The following SPATA13 variants were observed in gnomAD, a reference collection of about 807,000 sequenced individuals.
SPATA13 encodes spermatogenesis-associated protein 13.
SPATA13 carries 50 observed loss-of-function variants against 104.0 expected under a neutral mutation model. The observed-to-expected ratio is 0.48, with a 90% CI of 0.38 to 0.61. The LOEUF is 0.61. Ranked by LOEUF, SPATA13 falls within the 20% of genes least tolerant of loss-of-function variation. The pLI is 0.00. For synonymous variants in SPATA13, 606 were observed against 667.5 expected (o/e 0.91, Z 1.42); for missense variants, 1,524 against 1,690.6 (o/e 0.90, Z 1.73).
chr13:24,003,035 A>G (rs1876053332), intron 2 of SPATA13, among the ~76,000 whole-genome samples: 1 of 152,172 alleles, frequency 6.6e-6, no homozygotes, highest in Admixed American at 6.5e-5. Flanking sequence ...CCAGGAGTGT[A>G]TGGGCAGACA....
chr13:24,241,048 C>G (rs1360540805), intron 2 of SPATA13, among the ~76,000 whole-genome samples: 2 of 152,170 alleles, frequency 1.3e-5, no homozygotes, highest in African/African-American at 2.4e-5. Flanking sequence ...GCATGTCACC[C>G]CATTCCGTAG....
At chr13:24,008,964 C>T (rs2098594023) in intron 2 of SPATA13, among the ~76,000 whole-genome samples, 1 of 152,212 alleles carries the variant, frequency 6.6e-6, no homozygotes, top group African/African-American at 2.4e-5. Flanking sequence ...CAAACAGAAT[C>T]AGGAACAAGG....
chr13:24,268,139 T>C (rs976221497), intron 4 of SPATA13, among the ~76,000 whole-genome samples: 2 of 152,242 alleles, frequency 1.3e-5, no homozygotes, highest in African/African-American at 4.8e-5. Context: ...TTAAATTCTA[T>C]GTTAAAGAAG....
intron 3 of SPATA13, among the ~76,000 whole-genome samples, chr13:24,040,083 T>A (rs1303945224): frequency 6.6e-6 from 1 of 152,180 alleles, no homozygotes; most frequent in African/African-American, 2.4e-5. Flanking sequence ...AAGTAGCAGT[T>A]CCTCTAAAAC....
At position 24,146,011 on chromosome 13, in the gene SPATA13, G is replaced by A. The variant is rs562454235; in HGVS notation, c.-111-76808G>A. ...CAGCTGAATGTGGTGAGGAGTGGCA[G>A]ACACTTGGACTGAACAGGTAGCACA... On this transcript the variant is annotated intron_variant, in intron 3 of 14. Transcript: ENST00000424834. Among the ~76,000 whole-genome samples the A allele has an allele frequency of 2.6e-4, 39 of 152,338 alleles. No homozygotes were observed. The South Asian group carries it at 7.9e-3, about 31-fold the overall frequency.
intron 11 of SPATA13, among the ~76,000 whole-genome samples, chr13:24,300,069 C>T (rs1034113437): frequency 6.6e-6 from 1 of 152,188 alleles, no homozygotes; most frequent in Non-Finnish European, 1.5e-5. Context: ...CTTCTGGGGC[C>T]TCATCCTTTA....
chr13:24,287,024 C>T (rs1876003630), intron 7 of SPATA13, 74 bp downstream of exon 7: 1 of 1,302,636 alleles, frequency 7.7e-7, no homozygotes, highest in South Asian at 1.4e-5. Context: ...TTTCTCCCCA[C>T]CTCCACCCCC....
intron 1 of SPATA13, among the ~76,000 whole-genome samples, chr13:24,196,283 C>T (rs145704356): frequency 4.1e-4 from 63 of 152,192 alleles, no homozygotes; most frequent in Admixed American, 1.1e-3. Context: ...TTGGCATAAA[C>T]CCTTCACACA....
intron 1 of SPATA13, among the ~76,000 whole-genome samples, chr13:24,189,243 C>A (rs7139478): frequency 0.045 from 6,901 of 151,940 alleles, 501 homozygotes; most frequent in African/African-American, 0.16. Flanking sequence ...AGGCCGAGGC[C>A]GGTGGATCAC....
chr13:24,285,008 C>CA (rs1555276161), intron 5 of SPATA13, among the ~76,000 whole-genome samples: 2 of 151,054 alleles, frequency 1.3e-5, no homozygotes, highest in African/African-American at 4.9e-5. Flanking sequence ...GCAGCTTTAG[C>CA]TTTTTTTTTA....
At chr13:24,082,447 T>C (rs1365787069) in intron 3 of SPATA13, among the ~76,000 whole-genome samples, 1 of 152,198 alleles carries the variant, frequency 6.6e-6, no homozygotes, top group Non-Finnish European at 1.5e-5. Context: ...ATTGAGTTGC[T>C]CTTTGGAGAG....
intron 3 of SPATA13, among the ~76,000 whole-genome samples, chr13:24,076,781 A>G (rs892171290): frequency 6.6e-6 from 1 of 151,848 alleles, no homozygotes; most frequent in African/African-American, 2.4e-5. Flanking sequence ...AGTTACCCCC[A>G]GAAAAGCAGG....
chr13:24,224,418 A>G lies in SPATA13; in HGVS notation c.1489A>G (p.Asn497Asp). ...CHSNHSALSA[N>D]SEESEGRAEE... ...CAGCAATCACAGTGCCCTGTCCGCGAATTCAGAGGAAAGTGAAGGAAGGGC... is the reference window on the plus strand; with the variant it reads ...CAGCAATCACAGTGCCCTGTCCGCGGATTCAGAGGAAAGTGAAGGAAGGGC... Residue 497 changes from asparagine to aspartate, a missense_variant, in exon 2 of 13, where the codon AAT becomes GAT. Asn to Asp is a conservative substitution (Grantham distance 23). Coordinates refer to ENST00000382108, the MANE Select transcript of SPATA13 (RefSeq NM_001166271.3). The G allele has an allele frequency of 6.4e-7, 1 of 1,551,750 alleles. No individual in the cohort carries two copies. The highest frequency in any genetic ancestry group is 8.7e-7 in the Non-Finnish European group (1 of 1,147,006).
At chr13:24,266,490 G>A (rs1231129417) in intron 4 of SPATA13, among the ~76,000 whole-genome samples, 1 of 152,048 alleles carries the variant, frequency 6.6e-6, no homozygotes, top group African/African-American at 2.4e-5. Flanking sequence ...TGCCTATGTT[G>A]CTCTGGCTGG....
rs1262418111 is a variant in SPATA13 at position 24,088,419 on chromosome 13, T to C, written c.-112+70718T>C. 2.0e-5 allele frequency among the ~76,000 whole-genome samples: 3 copies of C among 152,138 alleles called. No individual in the cohort carries two copies. The highest frequency in any genetic ancestry group is 4.8e-5 in the African/African-American group (2 of 41,436). ...CAGTGTGGAGCCGCAGTTTCCTTTC[T>C]TCCTCTTGAGATGAAGACACATGAG... On this transcript the variant is annotated intron_variant, in intron 3 of 14. Transcript: ENST00000424834. The surrounding 1 kb of genome is among the most constrained non-coding windows in gnomAD (Gnocchi z 4.3).
intron 1 of SPATA13, among the ~76,000 whole-genome samples, chr13:24,175,067 G>A (rs147869862): frequency 1.1e-4 from 17 of 152,212 alleles, no homozygotes; most frequent in South Asian, 6.2e-4. Context: ...TGTATGGCCC[G>A]GGGTATTGGT....
intron 1 of SPATA13, among the ~76,000 whole-genome samples, chr13:24,214,636 C>T (rs1001506054): frequency 1.3e-5 from 2 of 152,184 alleles, no homozygotes; most frequent in African/African-American, 4.8e-5. Flanking sequence ...TTCACCTGTC[C>T]CTCAGTCTTG....
At chr13:24,059,625 A>G (rs1878706254) in intron 3 of SPATA13, among the ~76,000 whole-genome samples, 1 of 152,238 alleles carries the variant, frequency 6.6e-6, no homozygotes, top group Admixed American at 6.5e-5. Flanking sequence ...TAATCCTGTC[A>G]TTAGTGCTTT....
intron 3 of SPATA13, among the ~76,000 whole-genome samples, chr13:24,037,063 C>T (rs763247866): frequency 2.0e-5 from 3 of 151,892 alleles, no homozygotes; most frequent in South Asian, 2.1e-4. Context: ...CATGAGCCAT[C>T]GTGCCTGGCT....
Sources: allele counts gnomAD v4.1 joint callset (sites outside exome capture counted in the v4.1 genomes callset), GRCh38; gene constraint gnomAD v4.1.1; non-coding constraint Gnocchi (gnomAD v3.1); transcripts MANE v1.5; gene names NCBI Gene and HGNC (gene_info 2026-07-23, HGNC 2026-07-21).